The following PHACTR1 variants were observed in gnomAD, a reference collection of about 807,000 sequenced individuals.
The protein encoded by PHACTR1 is RPEL repeat containing 1.
PHACTR1 carries 16 observed loss-of-function variants against 69.2 expected under a neutral mutation model. The observed-to-expected ratio is 0.23, with a 90% CI of 0.16 to 0.35. The LOEUF is 0.35. Ranked by LOEUF, PHACTR1 falls within the 10% of genes least tolerant of loss-of-function variation. The pLI is 1.00. For missense variants in PHACTR1, 510 were observed against 734.7 expected (o/e 0.69, Z 3.54); for synonymous variants, 312 against 284.5 (o/e 1.10, Z -0.97).
chr6:13,193,099 T>C (rs9367373), intron 7 of PHACTR1, among the ~76,000 whole-genome samples: 13,682 of 151,762 alleles, frequency 0.09, 1,393 homozygotes, highest in East Asian at 0.57. Context: ...TCTCAGGCCG[T>C]ACACTAAGAA....
At chr6:13,150,809 C>T (rs974890179) in intron 5 of PHACTR1, among the ~76,000 whole-genome samples, 2 of 152,148 alleles carry the variant, frequency 1.3e-5, no homozygotes, top group Non-Finnish European at 2.9e-5. Flanking sequence ...AATTTTGAAA[C>T]ATCTCTTTAT....
intron 5 of PHACTR1, among the ~76,000 whole-genome samples, chr6:13,094,019 G>A (rs6910469): frequency 0.028 from 4,304 of 152,036 alleles, 186 homozygotes; most frequent in African/African-American, 0.095. Flanking sequence ...CCTCAGATGC[G>A]TGCCACCACA....
intron 3 of PHACTR1, among the ~76,000 whole-genome samples, chr6:12,742,120 G>A (rs2127586714): frequency 6.6e-6 from 1 of 152,294 alleles, no homozygotes; most frequent in East Asian, 1.9e-4. Flanking sequence ...GGGAAAGCAA[G>A]TTTGTTAAGA....
intron 4 of PHACTR1, among the ~76,000 whole-genome samples, chr6:12,987,125 T>C (rs750001804): frequency 5.3e-5 from 8 of 152,204 alleles, no homozygotes; most frequent in Non-Finnish European, 8.8e-5. Context: ...ATGATTATGA[T>C]TATAGCCAAT....
chr6:12,935,384 T>C (rs541612092), intron 4 of PHACTR1, among the ~76,000 whole-genome samples: 14 of 152,120 alleles, frequency 9.2e-5, no homozygotes, highest in Admixed American at 7.2e-4. Context: ...GCTGGGATTA[T>C]AGGCGCCCAA....
intron 10 of PHACTR1, among the ~76,000 whole-genome samples, chr6:13,258,509 A>G (rs1446150167): frequency 6.6e-6 from 1 of 152,252 alleles, no homozygotes; most frequent in East Asian, 1.9e-4. Context: ...CAAGCGGCAG[A>G]GATCAGGAAA....
chr6:12,817,712 T>C (rs953738712), intron 4 of PHACTR1, among the ~76,000 whole-genome samples: 6 of 152,200 alleles, frequency 3.9e-5, no homozygotes, highest in African/African-American at 1.2e-4. Flanking sequence ...AAGATGTGGG[T>C]TATATTTTTC....
chr6:13,054,447 C>T (rs1192207814), intron 5 of PHACTR1, among the ~76,000 whole-genome samples: 2 of 152,148 alleles, frequency 1.3e-5, no homozygotes, highest in Non-Finnish European at 2.9e-5. Flanking sequence ...GACTGGGTGG[C>T]TTAAACAACA....
intron 5 of PHACTR1, among the ~76,000 whole-genome samples, chr6:13,155,676 T>G (rs560727938): frequency 1.3e-5 from 2 of 152,124 alleles, no homozygotes; most frequent in African/African-American, 2.4e-5. Flanking sequence ...GATCATGAGG[T>G]CAGGAGTTCG....
chr6:12,900,015 T>C (rs1423299515), intron 4 of PHACTR1, among the ~76,000 whole-genome samples: 1 of 152,186 alleles, frequency 6.6e-6, no homozygotes, highest in Non-Finnish European at 1.5e-5. Flanking sequence ...CTCCTCTGTC[T>C]AGTGGACCCT....
At chr6:12,923,927 T>C (rs961054329) in intron 4 of PHACTR1, among the ~76,000 whole-genome samples, 1 of 152,248 alleles carries the variant, frequency 6.6e-6, no homozygotes, top group Admixed American at 6.5e-5. Flanking sequence ...TTTGCCTCTC[T>C]AAACACCACC....
At chr6:13,254,088 C>T (rs190784614) in intron 10 of PHACTR1, among the ~76,000 whole-genome samples, 27 of 152,116 alleles carry the variant, frequency 1.8e-4, no homozygotes, top group East Asian at 3.9e-4. Context: ...ATTAGCCAGG[C>T]GTGGTGGCAC....
intron 4 of PHACTR1, among the ~76,000 whole-genome samples, chr6:12,988,589 T>C (rs1284064152): frequency 6.6e-6 from 1 of 152,180 alleles, no homozygotes; most frequent in Non-Finnish European, 1.5e-5. Context: ...ATCTTTTAAA[T>C]TCCTTGATCT....
intron 4 of PHACTR1, among the ~76,000 whole-genome samples, chr6:12,759,283 C>T (rs1767752877): frequency 6.6e-6 from 1 of 151,874 alleles, no homozygotes; most frequent in Non-Finnish European, 1.5e-5. Context: ...CTATGTTATC[C>T]TATCCCATCC....
intron 4 of PHACTR1, among the ~76,000 whole-genome samples, chr6:12,817,494 C>A (rs1272058838): frequency 1.3e-5 from 2 of 152,122 alleles, no homozygotes; most frequent in East Asian, 3.8e-4. Flanking sequence ...TCTTTCTGAT[C>A]CTCAGTTTTT....
chr6:13,205,189 GA>G (rs1448180486), intron 7 of PHACTR1, among the ~76,000 whole-genome samples: 1 of 152,118 alleles, frequency 6.6e-6, no homozygotes, highest in Non-Finnish European at 1.5e-5. Context: ...GGCAAGAGAG[GA>G]AGCAAAGGAG....
intron 5 of PHACTR1, among the ~76,000 whole-genome samples, chr6:13,155,771 C>A (rs1322452128): frequency 1.3e-5 from 2 of 151,934 alleles, no homozygotes; most frequent in East Asian, 3.9e-4. Flanking sequence ...GCCTGTAATC[C>A]CAGCTACTGG....
intron 4 of PHACTR1, among the ~76,000 whole-genome samples, chr6:12,860,995 G>A (rs1780884465): frequency 6.6e-6 from 1 of 152,158 alleles, no homozygotes; most frequent in Admixed American, 6.5e-5. Flanking sequence ...CATTGCCCTG[G>A]ACATGTGGTC....
intron 4 of PHACTR1, among the ~76,000 whole-genome samples, chr6:12,875,478 C>T (rs1290352391): frequency 6.6e-6 from 1 of 152,230 alleles, no homozygotes; most frequent in Non-Finnish European, 1.5e-5. Flanking sequence ...AACCAAGAGT[C>T]AGCCTTGGCC....
Sources: allele counts gnomAD v4.1 joint callset (sites outside exome capture counted in the v4.1 genomes callset), GRCh38; gene constraint gnomAD v4.1.1; transcripts MANE v1.5; gene names NCBI Gene and HGNC (gene_info 2026-07-23, HGNC 2026-07-21).